MEGF9: variants seen among roughly 807,000 people sequenced by gnomAD.
The protein encoded by MEGF9 is multiple EGF like domains 9.
In MEGF9, 6 loss-of-function variants were observed where a neutral mutation model predicts 46.8. The observed-to-expected ratio is 0.13, with a 90% CI of 0.07 to 0.25. The LOEUF (loss-of-function observed/expected upper bound fraction) is 0.25. Among genes scored for constraint, MEGF9 ranks in the 10% least tolerant of loss-of-function variants. MEGF9 has a pLI of 1.00. For missense variants in MEGF9, 683 were observed against 792.4 expected, an observed-to-expected ratio of 0.86 and a Z score of 1.66; for synonymous variants, 302 against 330.7, an observed-to-expected ratio of 0.91 and a Z score of 0.94.
At chr9:120,617,801 A>G (rs1234619258) in intron 3 of MEGF9, among the ~76,000 whole-genome samples, 2 of 152,226 alleles carry the variant, frequency 1.3e-5, no homozygotes, top group African/African-American at 2.4e-5. Flanking sequence ...ATGATGCAAT[A>G]AAAGTCATGA....
intron 3 of MEGF9, among the ~76,000 whole-genome samples, chr9:120,621,723 T>A (rs774647106): frequency 1.3e-5 from 2 of 152,220 alleles, no homozygotes; most frequent in Non-Finnish European, 2.9e-5. Context: ...CAGTATTTTT[T>A]ATTGTATGCC....
chr9:120,643,048 A>C (rs1188027450), intron 2 of MEGF9, among the ~76,000 whole-genome samples: 1 of 152,228 alleles, frequency 6.6e-6, no homozygotes, highest in African/African-American at 2.4e-5. Flanking sequence ...TGTCAAAATA[A>C]TCATGGCTGA....
intron 2 of MEGF9, among the ~76,000 whole-genome samples, chr9:120,653,801 C>T (rs1283916162): frequency 6.6e-6 from 1 of 152,122 alleles, no homozygotes; most frequent in African/African-American, 2.4e-5. Flanking sequence ...GAAACAAAGA[C>T]TGGAAGGAGC....
intron 2 of MEGF9, among the ~76,000 whole-genome samples, chr9:120,645,085 T>C (rs1478085868): frequency 1.3e-5 from 2 of 152,220 alleles, no homozygotes; most frequent in Non-Finnish European, 2.9e-5. Context: ...AAGTATAGCA[T>C]GAACAGGCCC....
At chr9:120,634,871 C>T in intron 2 of MEGF9, among the ~76,000 whole-genome samples, 1 of 151,898 alleles carries the variant, frequency 6.6e-6, no homozygotes, top group African/African-American at 2.4e-5. Context: ...AGGTTTGATT[C>T]TCTTCTCTTT....
chr9:120,639,523 A>G (rs1225116336), intron 2 of MEGF9, among the ~76,000 whole-genome samples: 2 of 151,290 alleles, frequency 1.3e-5, no homozygotes, highest in African/African-American at 2.4e-5. Context: ...AAAAAAAAAA[A>G]AAAAAAAAAA....
At chr9:120,684,455 G>A (rs975107769) in intron 1 of MEGF9, among the ~76,000 whole-genome samples, 2 of 152,112 alleles carry the variant, frequency 1.3e-5, no homozygotes, top group African/African-American at 4.8e-5. Flanking sequence ...GTCAAAGGGG[G>A]TTATCTTACT....
intron 1 of MEGF9, among the ~76,000 whole-genome samples, chr9:120,672,222 T>A (rs1318967529): frequency 6.6e-6 from 1 of 152,056 alleles, no homozygotes; most frequent in Non-Finnish European, 1.5e-5. Flanking sequence ...CCACTCCTAT[T>A]CAAAATCATA....
chr9:120,608,133 C>T lies in MEGF9; in HGVS notation c.1088-123G>A, dbSNP rs181669507. On this transcript the variant is annotated intron_variant, in intron 4 of 5. Coordinates refer to ENST00000373930, the MANE Select transcript of MEGF9 (RefSeq NM_001080497.3). ...ACTTTGGAGGCCAAGGTGGAAGGAT[C>T]GCTTGAGCCCAGGAGTTTGAGACCA... The T allele has an allele frequency of 2.1e-3, 2,341 of 1,126,434 alleles. 17 individuals are homozygous for T. The highest frequency in any genetic ancestry group is 1.3e-3 in the Non-Finnish European group (1,042 of 795,680). The allele number at this position is 1,126,434 out of a possible 1,614,324, so 69.8% of individuals were successfully genotyped here.
At chr9:120,635,321 G>C (rs907982436) in intron 2 of MEGF9, among the ~76,000 whole-genome samples, 4 of 152,046 alleles carry the variant, frequency 2.6e-5, no homozygotes, top group African/African-American at 4.8e-5. Context: ...AATCTATTTG[G>C]GGACCACTGA....
chr9:120,709,223 C>G (rs2043941954), intron 1 of MEGF9, among the ~76,000 whole-genome samples: 1 of 152,062 alleles, frequency 6.6e-6, no homozygotes, highest in Non-Finnish European at 1.5e-5. Flanking sequence ...TCGAGACCAG[C>G]CTGGCCAACA....
At chr9:120,678,989 G>A (rs1587993185) in intron 1 of MEGF9, among the ~76,000 whole-genome samples, 1 of 152,316 alleles carries the variant, frequency 6.6e-6, no homozygotes, top group African/African-American at 2.4e-5. Flanking sequence ...GTGCTGGAGA[G>A]GATGTGGAGA....
chr9:120,704,148 A>T lies in MEGF9; in HGVS notation c.601+9610T>A, dbSNP rs540924950. On this transcript the variant is annotated intron_variant, in intron 1 of 5. Coordinates refer to ENST00000373930, the MANE Select transcript of MEGF9 (RefSeq NM_001080497.3). ...CAGAAGTTCAAGACCAACCTGGCCA[A>T]CATGGCAAAACCCCACCTCTTCTAA... Among the ~76,000 whole-genome samples, 355 of 152,118 alleles carry T rather than the reference A, an allele frequency of 2.3e-3. 2 individuals carry two copies. Among genetic ancestry groups the T allele is most frequent in the African/African-American group, 8.3e-3 (344 of 41,508 alleles).
In MEGF9 at chr9:120,604,197, G is replaced by A. The variant is rs2043409643; in HGVS notation, c.*993C>T. The A allele has an allele frequency of 6.6e-6, 1 of 152,558 alleles. No individual in the cohort carries two copies. Among genetic ancestry groups the A allele is most frequent in the African/African-American group, 2.4e-5 (1 of 41,442 alleles). 9.5% of individuals were successfully genotyped at this position (152,558 alleles called of 1,614,324 possible). A position where few individuals can be genotyped will look rare whatever the true frequency, so the allele number is the denominator to read the frequency against. Reference sequence around the variant, plus strand: ...GAGCATATAACTCTACTTTTAGACTGAGAAAGGAAAGAAAGAAACATTCGA... The same window carrying A: ...GAGCATATAACTCTACTTTTAGACTAAGAAAGGAAAGAAAGAAACATTCGA... On this transcript the variant is annotated 3_prime_UTR_variant, in exon 6 of 6. Transcript: ENST00000373930.
intron 2 of MEGF9, among the ~76,000 whole-genome samples, chr9:120,627,894 G>T (rs75900213): frequency 0.014 from 2,131 of 152,250 alleles, 20 homozygotes; most frequent in Non-Finnish European, 0.024. Context: ...ACAATTAAGA[G>T]ATAATGAAAT....
In MEGF9 at chr9:120,605,097, C is replaced by T; in HGVS notation, c.*93G>A. 1.5e-6 allele frequency: 2 copies of T among 1,322,604 alleles called. No homozygotes were observed. Among genetic ancestry groups the T allele is most frequent in the Non-Finnish European group, 2.1e-6 (2 of 966,492 alleles). 81.9% of individuals were successfully genotyped at this position (1,322,604 alleles called of 1,614,324 possible). On this transcript the variant is annotated 3_prime_UTR_variant, in exon 6 of 6. Coordinates refer to ENST00000373930, the MANE Select transcript of MEGF9 (RefSeq NM_001080497.3). This position sits in a 1 kb window ranked among gnomAD's most constrained non-coding sequence, Gnocchi z 4.0. ...CAGATGCACTATTTGCCTTTGCTTT[C>T]TCAGCAAACTCTAGCCAGGCTTTGT... is the stretch of plus-strand genomic sequence containing the variant.
intron 1 of MEGF9, among the ~76,000 whole-genome samples, chr9:120,675,673 G>A (rs1423128174): frequency 6.6e-6 from 1 of 150,578 alleles, no homozygotes; most frequent in East Asian, 1.9e-4. Flanking sequence ...TGGATCACAA[G>A]GTCAGGAGTT....
Position 120,612,483 on chromosome 9 carries a change from C to G in MEGF9, c.1000G>C (p.Glu334Gln). 6.2e-7 allele frequency: 1 copy of G among 1,612,858 alleles called. No individual in the cohort carries two copies. Among genetic ancestry groups the G allele is most frequent in the Non-Finnish European group, 8.5e-7 (1 of 1,179,144 alleles). The change falls in exon 4 of 6, where the codon GAA (glutamate) becomes CAA (glutamine). Residue 334 changes from glutamate (E) to glutamine (Q), a missense_variant. Glu to Gln is a conservative substitution (Grantham distance 29, BLOSUM62 2). Coordinates refer to ENST00000373930, the MANE Select transcript of MEGF9 (RefSeq NM_001080497.3). ...SKGNHCEECK[E>Q]GFYQSPDATK... ...GCATCAGGACTCTGATAAAATCCTT[C>G]TTTACATTCTTCACAGTGATTTCCT...
rs1554794260 is a variant in MEGF9, at chr9:120,611,883, G to GAGAA, written c.1087+509_1087+512dup. 5.8e-3 allele frequency among the ~76,000 whole-genome samples: 866 copies of GAGAA among 150,234 alleles called. 12 individuals carry two copies. Among genetic ancestry groups the GAGAA allele is most frequent in the South Asian group, 0.039 (183 of 4,734 alleles). ...AGGAAGAAAGAGAGAGAGAGAGAGAGAGAAAGAAAGAAAGAAAGAAAGGAA... is the reference window on the plus strand; with the variant it reads ...AGGAAGAAAGAGAGAGAGAGAGAGAGAGAAAGAAAGAAAGAAAGAAAGAAAGGAA... On this transcript the variant is annotated intron_variant, in intron 4 of 5. Transcript: ENST00000373930.
Sources: gnomAD v4.1 joint callset for allele counts (sites outside exome capture counted in the v4.1 genomes callset) on GRCh38, gnomAD v4.1.1 for gene constraint, Gnocchi (gnomAD v3.1) non-coding constraint, MANE v1.5 for transcripts, NCBI Gene and HGNC (gene_info 2026-07-23, HGNC 2026-07-21) for gene names.